Variants in TMPRSS7 observed in about 807,000 individuals in gnomAD.
The protein encoded by TMPRSS7 is transmembrane protease serine 7.
In TMPRSS7, 81 loss-of-function variants were observed where a neutral mutation model predicts 95.6. The ratio of observed to expected loss-of-function variants is 0.85; its 90% CI spans 0.71 to 1.02. The LOEUF (loss-of-function observed/expected upper bound fraction) is 1.02, where lower values mean the gene tolerates loss of function less well. Among genes scored for constraint, TMPRSS7 ranks in the 50% least tolerant of loss-of-function variants. TMPRSS7 has a pLI of 0.00. For missense variants in TMPRSS7, 945 were observed against 955.2 expected (o/e 0.99, Z 0.14); for synonymous variants, 364 against 337.8 (o/e 1.08, Z -0.85).
chr3:112,070,579 G>A (rs4682354), intron 13 of TMPRSS7, among the ~76,000 whole-genome samples: 82,555 of 152,004 alleles, frequency 0.54, 22,934 homozygotes, highest in Admixed American at 0.62. Flanking sequence ...TTACCATTAT[G>A]TAATGGCCCT....
At chr3:112,038,301 C>T (rs1385760642) in exon 2 of TMPRSS7, 5 of 702,804 alleles carry the variant, frequency 7.1e-6, no homozygotes, top group South Asian at 5.9e-5. Context: ...ATAGCCTGGA[C>T]ACTTCTGTGG....
At chr3:112,050,246 G>A (rs2073328609) in intron 8 of TMPRSS7, among the ~76,000 whole-genome samples, 1 of 152,148 alleles carries the variant, frequency 6.6e-6, no homozygotes, top group African/African-American at 2.4e-5. Context: ...TGTGCAGAAA[G>A]TAACTATCAT....
At position 112,064,351 on chromosome 3, in the gene TMPRSS7, C is replaced by CTTTTCTTTTTT. The variant is rs56791526; in HGVS notation, c.1555+720_1555+730dup. On this transcript the variant is annotated intron_variant, in intron 12 of 17. Transcript: ENST00000452346. ...AGAACGGGTTTTGTGTGTGTGTTTT[C>CTTTTCTTTTTT]TTTTCTTTTTTCTTTGAGACCAGGT... 4.7e-3 allele frequency among the ~76,000 whole-genome samples: 700 copies of CTTTTCTTTTTT among 149,114 alleles called. 6 individuals are homozygous for CTTTTCTTTTTT. Among genetic ancestry groups the CTTTTCTTTTTT allele is most frequent in the African/African-American group, 0.015 (599 of 39,882 alleles).
chr3:112,042,340 C>T (rs6438026), intron 3 of TMPRSS7, among the ~76,000 whole-genome samples: 133,409 of 152,238 alleles, frequency 0.88, 59,915 homozygotes, highest in East Asian at 1. Context: ...ACCTTTAAAA[C>T]ACCTTCCAGT....
intron 13 of TMPRSS7, among the ~76,000 whole-genome samples, chr3:112,072,853 G>A (rs989492625): frequency 3.9e-5 from 6 of 152,234 alleles, no homozygotes; most frequent in African/African-American, 1.4e-4. Context: ...CTTTGCTATT[G>A]TGAATAGTGC....
chr3:112,079,632 A>G lies in TMPRSS7; in HGVS notation c.2361+754A>G, dbSNP rs146315018. Among the ~76,000 whole-genome samples, 673 of 152,206 alleles carry G rather than the reference A, an allele frequency of 4.4e-3. 22 individuals carry two copies. The East Asian group carries it at 0.065, about 15-fold the overall frequency. ...CAGTGTGGCTCAGGGAAGCCAAAAG[A>G]TTGCATACTCCTGATTTAGAGGGTG... On this transcript the variant is annotated intron_variant, in intron 17 of 17. Coordinates refer to ENST00000452346, the Ensembl canonical transcript of TMPRSS7.
chr3:112,075,878 T>C (rs1046621463), intron 15 of TMPRSS7, among the ~76,000 whole-genome samples: 3 of 152,182 alleles, frequency 2.0e-5, no homozygotes, highest in Non-Finnish European at 2.9e-5. Context: ...AGAGGACATC[T>C]TAGAAAATAA....
chr3:112,048,621 C>T (rs1419441233), intron 7 of TMPRSS7, among the ~76,000 whole-genome samples: 1 of 152,154 alleles, frequency 6.6e-6, no homozygotes, highest in Non-Finnish European at 1.5e-5. Context: ...TAAAAAGGTA[C>T]ATAAATCATC....
chr3:112,054,963 T>G (rs898427872), intron 9 of TMPRSS7, among the ~76,000 whole-genome samples: 1 of 151,988 alleles, frequency 6.6e-6, no homozygotes, highest in African/African-American at 2.4e-5. Context: ...ATGGTCTCGA[T>G]CTCCTGACGT....
At chr3:112,051,668 C>CTATCTATCTATCTATCTATCTATCT (rs61097993) in intron 9 of TMPRSS7, among the ~76,000 whole-genome samples, 28 of 128,076 alleles carry the variant, frequency 2.2e-4, no homozygotes, top group African/African-American at 3.9e-4. Flanking sequence ...ATCTATCTAT[C>CTATCTATCTATCTATCTATCTATCT]ATCTATCTAT....
intron 9 of TMPRSS7, among the ~76,000 whole-genome samples, chr3:112,051,668 C>CT (rs61097993): frequency 0.28 from 35,965 of 127,202 alleles, 5,192 homozygotes; most frequent in East Asian, 0.33. Context: ...ATCTATCTAT[C>CT]ATCTATCTAT....
chr3:112,043,193 AG>A (rs1410319535), intron 3 of TMPRSS7: 1 of 439,892 alleles, frequency 2.3e-6, no homozygotes, highest in African/African-American at 2.0e-5. Flanking sequence ...CTACACACCC[AG>A]GCTAGATGGT....
At chr3:112,035,319 T>C (rs1217852565) in intron 1 of TMPRSS7, among the ~76,000 whole-genome samples, 1 of 152,218 alleles carries the variant, frequency 6.6e-6, no homozygotes, top group Non-Finnish European at 1.5e-5. Context: ...GGAATGTTTC[T>C]CTCTTTAGAA....
chr3:112,052,059 G>T (rs1373291510), intron 9 of TMPRSS7, among the ~76,000 whole-genome samples: 1 of 151,926 alleles, frequency 6.6e-6, no homozygotes, highest in Non-Finnish European at 1.5e-5. Flanking sequence ...GTAGGGGAAG[G>T]CAAGTAATAA....
chr3:112,075,065 T>C (rs2073695056), intron 14 of TMPRSS7, among the ~76,000 whole-genome samples: 1 of 152,232 alleles, frequency 6.6e-6, no homozygotes, highest in South Asian at 2.1e-4. Context: ...TTGTGTCAGT[T>C]CAGCTGTTAC....
chr3:112,046,238 A>G (rs2073276671), intron 5 of TMPRSS7, among the ~76,000 whole-genome samples: 1 of 152,208 alleles, frequency 6.6e-6, no homozygotes, highest in Non-Finnish European at 1.5e-5. Flanking sequence ...TCCCCAAAGA[A>G]CAAAACCCTA....
chr3:112,041,926 C>T (rs11929695), exon 3 of TMPRSS7: 152,275 of 1,539,698 alleles, frequency 0.099, 9,253 homozygotes, highest in South Asian at 0.24. Flanking sequence ...ACAGGTAAAA[C>T]AGAAAGCAAA....
intron 13 of TMPRSS7, among the ~76,000 whole-genome samples, chr3:112,068,939 G>C (rs1559962007): frequency 6.6e-6 from 1 of 152,140 alleles, no homozygotes; most frequent in South Asian, 2.1e-4. Context: ...TGCCCATTCA[G>C]TATGATATTG....
intron 12 of TMPRSS7, among the ~76,000 whole-genome samples, chr3:112,065,536 A>G (rs750238034): frequency 1.2e-4 from 19 of 152,172 alleles, no homozygotes; most frequent in Non-Finnish European, 2.4e-4. Flanking sequence ...AATTTATAAT[A>G]AGGACTGTTT....
Sources: allele counts gnomAD v4.1 joint callset (sites outside exome capture counted in the v4.1 genomes callset), GRCh38; gene constraint gnomAD v4.1.1; transcripts MANE v1.5; gene names NCBI Gene and HGNC (gene_info 2026-07-23, HGNC 2026-07-21).